PIGN: variants seen among roughly 807,000 people sequenced by gnomAD.
PIGN encodes phosphatidylinositol glycan anchor biosynthesis class N.
Under a neutral mutation model 125.4 loss-of-function variants are expected in PIGN, and 117 were observed. The ratio of observed to expected loss-of-function variants is 0.93; its 90% CI spans 0.80 to 1.09. The LOEUF (loss-of-function observed/expected upper bound fraction) is 1.09, where lower values mean the gene tolerates loss of function less well. Among genes scored for constraint, PIGN ranks in the 50% least tolerant of loss-of-function variants. The pLI, the probability that PIGN is intolerant of heterozygous loss-of-function variation, is 0.00. For missense variants in PIGN, 1,075 were observed against 1,094.9 expected, an observed-to-expected ratio of 0.98 and a Z score of 0.26; for synonymous variants, 392 against 377.8, an observed-to-expected ratio of 1.04 and a Z score of -0.44.
At chr18:62,038,308 G>GTTTTTT (rs34436733), downstream of PIGN, among the ~76,000 whole-genome samples, 84 of 120,082 alleles carry the variant, frequency 7.0e-4, 1 homozygote, top group African/African-American at 1.7e-3. Flanking sequence ...CCCCCTCCGT[G>GTTTTTT]TTTTTTTTTT....
At chr18:62,134,902 T>G (rs1568214086) in intron 14 of PIGN, among the ~76,000 whole-genome samples, 2 of 152,198 alleles carry the variant, frequency 1.3e-5, no homozygotes, top group Non-Finnish European at 2.9e-5. Flanking sequence ...TTTTTTTTGA[T>G]GGGCGGGCGG....
rs148033102 is a variant in PIGN, at chr18:62,136,598, C to T, written c.1172+1645G>A. The T allele has an allele frequency of 4.3e-3, 651 of 152,294 alleles. 4 individuals are homozygous for T. The highest frequency in any genetic ancestry group is 0.015 in the African/African-American group (623 of 41,544). The allele number at this position is 152,294 out of a possible 1,614,324, so 9.4% of individuals were successfully genotyped here. A position where few individuals can be genotyped will look rare whatever the true frequency, so the allele number is the denominator to read the frequency against. On this transcript the variant is annotated intron_variant, in intron 14 of 30. Transcript: ENST00000640252. ...TCCTGACCTTGTGATCCGCCTGCCTCGGCCTCCCAAAGTGCTGGGATTATA... is the reference window on the plus strand; with the variant it reads ...TCCTGACCTTGTGATCCGCCTGCCTTGGCCTCCCAAAGTGCTGGGATTATA...
intron 16 of PIGN, among the ~76,000 whole-genome samples, chr18:62,110,348 T>A (rs2089977258): frequency 6.6e-6 from 1 of 152,190 alleles, no homozygotes; most frequent in African/African-American, 2.4e-5. Flanking sequence ...TAATAAGGTA[T>A]GGGACTTAAT....
chr18:62,070,953 G>A (rs1454531753), intron 30 of PIGN, among the ~76,000 whole-genome samples: 2 of 152,016 alleles, frequency 1.3e-5, no homozygotes, highest in African/African-American at 2.4e-5. Flanking sequence ...CTACAGGCAT[G>A]GGCCACTGCA....
chr18:62,110,177 G>A, intron 16 of PIGN: 2 of 434,028 alleles, frequency 4.6e-6, no homozygotes, highest in Non-Finnish European at 8.1e-6. Flanking sequence ...TAGATAACCT[G>A]GAATTGCTGC....
chr18:62,125,245 C>T (rs1456625056), intron 14 of PIGN, among the ~76,000 whole-genome samples: 2 of 142,590 alleles, frequency 1.4e-5, no homozygotes, highest in Non-Finnish European at 3.1e-5. Flanking sequence ...TATAAATATA[C>T]ACGTTTGTAT....
intron 17 of PIGN, among the ~76,000 whole-genome samples, chr18:62,108,076 A>G (rs17641727): frequency 0.022 from 3,303 of 152,306 alleles, 78 homozygotes; most frequent in Non-Finnish European, 0.028. Flanking sequence ...TCTGACTGAA[A>G]GCAACAGCTG....
chr18:62,171,261 A>C (rs907340765), intron 1 of PIGN, among the ~76,000 whole-genome samples: 1 of 152,098 alleles, frequency 6.6e-6, no homozygotes, highest in African/African-American at 2.4e-5. Context: ...GTACTATTGT[A>C]ATGTTATTTT....
chr18:62,049,769 T>C (rs1199550048), intron 30 of PIGN, among the ~76,000 whole-genome samples: 1 of 152,050 alleles, frequency 6.6e-6, no homozygotes, highest in African/African-American at 2.4e-5. Flanking sequence ...CATGAAGTCC[T>C]TGTCCATGCC....
intron 11 of PIGN, among the ~76,000 whole-genome samples, chr18:62,142,658 G>C (rs2036179711): frequency 6.6e-6 from 1 of 152,152 alleles, no homozygotes; most frequent in Non-Finnish European, 1.5e-5. Flanking sequence ...TGGAAGGCAA[G>C]ATACTCCTGC....
chr18:62,183,137 T>C (rs1178885630), intron 1 of PIGN, among the ~76,000 whole-genome samples: 1 of 152,108 alleles, frequency 6.6e-6, no homozygotes, highest in African/African-American at 2.4e-5. Flanking sequence ...TGTAAGGTAA[T>C]GCATTTGTTA....
At chr18:62,054,039 T>C (rs745786541) in intron 30 of PIGN, among the ~76,000 whole-genome samples, 3 of 151,894 alleles carry the variant, frequency 2.0e-5, no homozygotes, top group East Asian at 3.8e-4. Context: ...AAAAAACAGA[T>C]TGAATGTAAT....
At chr18:62,099,179 C>T (rs1490863490) in intron 22 of PIGN, among the ~76,000 whole-genome samples, 2 of 151,986 alleles carry the variant, frequency 1.3e-5, no homozygotes, top group Non-Finnish European at 2.9e-5. Context: ...CAAAACCTAA[C>T]TCTACGCAGA....
At chr18:62,061,511 C>CAAAAAAA (rs373391589) in intron 30 of PIGN, among the ~76,000 whole-genome samples, 6 of 33,228 alleles carry the variant, frequency 1.8e-4, no homozygotes, top group Admixed American at 3.6e-4. Context: ...GACTCCGTCT[C>CAAAAAAA]AAAAAAAAAA....
chr18:62,080,315 T>G lies in PIGN; in HGVS notation c.2576+2358A>C, dbSNP rs140517464. Among the ~76,000 whole-genome samples the G allele has an allele frequency of 2.9e-3, 446 of 152,358 alleles. 1 individual carries two copies. The highest frequency in any genetic ancestry group is 0.01 in the African/African-American group (424 of 41,594). The stretch of plus-strand genomic sequence containing the variant: ...TTCTCAGCGGCCTTCTAATCTTCTC[T>G]CATGCTTTGCTGCATTCTGAAGGTG... On this transcript the variant is annotated intron_variant, in intron 28 of 30. Coordinates refer to ENST00000640252, the MANE Select transcript of PIGN (RefSeq NM_176787.5).
chr18:62,085,729 A>C (rs947994126), intron 25 of PIGN, among the ~76,000 whole-genome samples: 2 of 152,258 alleles, frequency 1.3e-5, no homozygotes, highest in African/African-American at 4.8e-5. Flanking sequence ...GTTTTAAAAT[A>C]ATTCAATAGA....
intron 15 of PIGN, among the ~76,000 whole-genome samples, chr18:62,113,531 T>C (rs1266203754): frequency 6.6e-6 from 1 of 152,154 alleles, no homozygotes; most frequent in Non-Finnish European, 1.5e-5. Context: ...TTAATCTTAA[T>C]AAGAAAGGGC....
intron 22 of PIGN, among the ~76,000 whole-genome samples, chr18:62,099,531 C>T (rs2034353563): frequency 6.6e-6 from 1 of 152,004 alleles, no homozygotes; most frequent in South Asian, 2.1e-4. Context: ...CTGGAGGCAT[C>T]ATGAAGTCAG....
intron 23 of PIGN, among the ~76,000 whole-genome samples, chr18:62,033,649 T>C (rs1158249724): frequency 6.6e-6 from 1 of 152,214 alleles, no homozygotes; most frequent in Non-Finnish European, 1.5e-5. Flanking sequence ...CCCTTCTCAA[T>C]TGCTGGCCTT....
Sources: gnomAD v4.1 joint callset for allele counts (sites outside exome capture counted in the v4.1 genomes callset) on GRCh38, gnomAD v4.1.1 for gene constraint, MANE v1.5 for transcripts, NCBI Gene and HGNC (gene_info 2026-07-23, HGNC 2026-07-21) for gene names.